The following CLASP1 variants were observed in gnomAD, a reference collection of about 807,000 sequenced individuals.
CLASP1 encodes cytoplasmic linker associated protein 1, also known as CLIP-associating protein 1.
A neutral mutation model predicts 192.3 loss-of-function variants in CLASP1; 38 were observed. The ratio of observed to expected loss-of-function variants is 0.20; its 90% CI spans 0.15 to 0.26. The LOEUF is 0.26. Ranked by LOEUF, CLASP1 falls within the 10% of genes least tolerant of loss-of-function variation. CLASP1 has a pLI of 1.00. For synonymous variants in CLASP1, 691 were observed against 712.8 expected (o/e 0.97, Z 0.49); for missense variants, 1,433 against 1,932.5 (o/e 0.74, Z 4.85).
chr2:121,426,431 G>C (rs1020970792), intron 21 of CLASP1, among the ~76,000 whole-genome samples: 5 of 152,068 alleles, frequency 3.3e-5, no homozygotes, highest in African/African-American at 1.2e-4. Context: ...CATACTTACC[G>C]AAAGACCTCA....
chr2:121,387,115 A>G lies in CLASP1; in HGVS notation c.3374+7T>C, dbSNP rs1222520747. ...TACATCTGTGGAAAGTAAAGAAGTG[A>G]CCTTACCTTGGAGACAGACCCCCAT... On this transcript the variant is annotated splice_region_variant and intron_variant, in intron 32 of 39. Coordinates refer to ENST00000263710, the Ensembl canonical transcript of CLASP1. 1.9e-6 allele frequency: 3 copies of G among 1,609,626 alleles called. No homozygotes were observed. The highest frequency in any genetic ancestry group is 1.7e-5 in the Admixed American group (1 of 59,970).
In CLASP1 at chr2:121,430,193, A is replaced by C; in HGVS notation, c.1913-16T>G. On this transcript the variant is annotated splice_polypyrimidine_tract_variant and intron_variant, in intron 19 of 39. Coordinates refer to ENST00000263710, the Ensembl canonical transcript of CLASP1. ...CGGATCCGACCTGGAGGACACAGCA[A>C]AAACAGTGTTTCACAACATTTCCAG... The C allele has an allele frequency of 1.9e-6, 3 of 1,544,814 alleles. No individual in the cohort carries two copies. Among genetic ancestry groups the C allele is most frequent in the Non-Finnish European group, 1.8e-6 (2 of 1,140,020 alleles).
Position 121,541,674 on chromosome 2 carries a change from A to C in CLASP1, c.196-11349T>G, listed in dbSNP as rs114334679. Among the ~76,000 whole-genome samples the C allele has an allele frequency of 6.7e-3, 1,024 of 152,260 alleles. 8 individuals are homozygous for C. Among genetic ancestry groups the C allele is most frequent in the African/African-American group, 0.023 (937 of 41,550 alleles). ...GGCTCTGGGAATGCCTCAGCTAGGA[A>C]AAAAAGCACTGGCTTTGTAAGCACA... On this transcript the variant is annotated intron_variant, in intron 2 of 39. Transcript: ENST00000263710.
chr2:121,607,840 CT>C (rs1169050902), intron 1 of CLASP1, among the ~76,000 whole-genome samples: 4 of 152,300 alleles, frequency 2.6e-5, no homozygotes, highest in African/African-American at 7.2e-5. Flanking sequence ...ATCCCCACCC[CT>C]AATCTCAACG....
intron 2 of CLASP1, among the ~76,000 whole-genome samples, chr2:121,540,018 G>T (rs2095194556): frequency 6.6e-6 from 1 of 152,200 alleles, no homozygotes; most frequent in African/African-American, 2.4e-5. Flanking sequence ...ATGTAAATTG[G>T]CATAATCAAC....
chr2:121,364,137 T>C (rs565133747), intron 36 of CLASP1: 5 of 152,372 alleles, frequency 3.3e-5, no homozygotes, highest in African/African-American at 2.4e-5. Context: ...TTTTTACTTA[T>C]CCCTAAACCA....
intron 8 of CLASP1, among the ~76,000 whole-genome samples, chr2:121,471,309 T>C (rs2090676981): frequency 6.6e-6 from 1 of 152,224 alleles, no homozygotes; most frequent in Admixed American, 6.5e-5. Context: ...TTTGGAATCT[T>C]AAAAATCAAC....
intron 27 of CLASP1, 55 bp from the exon 29 acceptor site, chr2:121,401,727 A>G (rs531541930): frequency 4.8e-6 from 7 of 1,459,580 alleles, no homozygotes; most frequent in Non-Finnish European, 6.7e-6. Context: ...ATCTCCTCCA[A>G]AGTCTACAAA....
chr2:121,419,332 A>G lies in CLASP1; in HGVS notation c.2213-603T>C, dbSNP rs973503001. 9.3e-4 allele frequency among the ~76,000 whole-genome samples: 141 copies of G among 151,878 alleles called. 1 individual carries two copies. The highest frequency in any genetic ancestry group is 2.5e-4 in the Non-Finnish European group (17 of 67,860). ...CCAAGTAAGTGTGTAGATGCTTCAA[A>G]CATATCCAATTCTCGAAACCAGCAG... is the stretch of plus-strand genomic sequence containing the variant. On this transcript the variant is annotated intron_variant, in intron 22 of 39. Coordinates refer to ENST00000263710, the Ensembl canonical transcript of CLASP1.
chr2:121,551,624 T>C (rs139329984), intron 2 of CLASP1, among the ~76,000 whole-genome samples: 6,180 of 151,930 alleles, frequency 0.041, 435 homozygotes, highest in African/African-American at 0.14. Context: ...ATAAAACACC[T>C]AGGAATACAG....
At chr2:121,622,531 T>C (rs1007640123) in intron 1 of CLASP1, among the ~76,000 whole-genome samples, 2 of 150,722 alleles carry the variant, frequency 1.3e-5, no homozygotes, top group African/African-American at 4.9e-5. Context: ...ACTATGCCAC[T>C]GCACTCCAGC....
chr2:121,623,336 G>A lies in CLASP1; in HGVS notation c.-285-17156C>T, dbSNP rs565673646. ...TTTATTCTATTACATGGCATGTTAC[G>A]TTAATTTACAGACATTAAGCCAACT... On this transcript the variant is annotated intron_variant, in intron 1 of 39. Transcript: ENST00000263710. Among the ~76,000 whole-genome samples, 5 of 152,268 alleles carry A rather than the reference G, an allele frequency of 3.3e-5. No individual in the cohort carries two copies. In the South Asian group the frequency reaches 6.2e-4, roughly 19 times the overall value.
intron 8 of CLASP1, among the ~76,000 whole-genome samples, chr2:121,473,480 T>A (rs970089045): frequency 1.3e-5 from 2 of 151,750 alleles, no homozygotes; most frequent in African/African-American, 2.4e-5. Flanking sequence ...CTCAGAGACA[T>A]GAAGGATAAT....
chr2:121,385,448 A>G (rs1368511318), intron 32 of CLASP1, among the ~76,000 whole-genome samples: 1 of 152,252 alleles, frequency 6.6e-6, no homozygotes, highest in Admixed American at 6.5e-5. Context: ...ATCTGTAACT[A>G]TAAATACAAA....
intron 8 of CLASP1, among the ~76,000 whole-genome samples, chr2:121,483,350 T>C (rs1434953957): frequency 6.6e-6 from 1 of 152,094 alleles, no homozygotes. Context: ...TGAAAAGAAT[T>C]AACCATTGTA....
intron 22 of CLASP1, among the ~76,000 whole-genome samples, chr2:121,422,232 A>G (rs151014458): frequency 1.3e-5 from 2 of 152,378 alleles, no homozygotes; most frequent in Admixed American, 1.3e-4. Flanking sequence ...GAGAATTAAT[A>G]AAAACAACCA....
At chr2:121,340,767 G>A in exon 40 of CLASP1, 2 of 906,580 alleles carry the variant, frequency 2.2e-6, no homozygotes, top group South Asian at 2.9e-5. Flanking sequence ...GGGCCTCCTT[G>A]TACTGACTGG....
Position 121,495,089 on chromosome 2 carries a change from G to T in CLASP1, c.712+8078C>A, listed in dbSNP as rs552453618. 3.9e-5 allele frequency among the ~76,000 whole-genome samples: 6 copies of T among 152,150 alleles called. No individual in the cohort carries two copies. In the South Asian group the frequency reaches 1.2e-3, roughly 32 times the overall value. ...TGTAATCCCAACACTTTGGGAGGCC[G>T]AGGCGGGCGGATCACAAGGTCAGGA... On this transcript the variant is annotated intron_variant, in intron 8 of 39. Coordinates refer to ENST00000263710, the Ensembl canonical transcript of CLASP1.
rs138120831 is a variant in CLASP1, at chr2:121,571,349, G to T, written c.195+34352C>A. 1.5e-3 allele frequency among the ~76,000 whole-genome samples: 232 copies of T among 151,902 alleles called. 1 individual carries two copies. Among genetic ancestry groups the T allele is most frequent in the African/African-American group, 5.4e-3 (224 of 41,436 alleles). ...TGCCACCATGCCCAGCTAGTTTTTT[G>T]ATTTGTTTTGTTTTGTTTTGCTTTG... On this transcript the variant is annotated intron_variant, in intron 2 of 39. Transcript: ENST00000263710.
Sources: gnomAD v4.1 joint callset for allele counts (sites outside exome capture counted in the v4.1 genomes callset) on GRCh38, gnomAD v4.1.1 for gene constraint, MANE v1.5 for transcripts, NCBI Gene and HGNC (gene_info 2026-07-23, HGNC 2026-07-21) for gene names.